Variants in ITGBL1 observed in about 807,000 individuals in gnomAD.
ITGBL1 encodes integrin beta-like protein 1.
A neutral mutation model predicts 68.5 loss-of-function variants in ITGBL1; 51 were observed. The ratio of observed to expected loss-of-function variants is 0.74; its 90% CI spans 0.59 to 0.94. The LOEUF (loss-of-function observed/expected upper bound fraction) is 0.94, where lower values mean the gene tolerates loss of function less well. Among genes scored for constraint, ITGBL1 ranks in the 40% least tolerant of loss-of-function variants. ITGBL1 has a pLI of 0.00. For synonymous variants in ITGBL1, 209 were observed against 227.3 expected (o/e 0.92, Z 0.72); for missense variants, 649 against 647.4 (o/e 1.00, Z -0.03).
At chr13:101,566,159 A>G (rs1594893997) in intron 2 of ITGBL1, among the ~76,000 whole-genome samples, 1 of 152,186 alleles carries the variant, frequency 6.6e-6, no homozygotes, top group Non-Finnish European at 1.5e-5. Flanking sequence ...GTGTGGAACC[A>G]TAAGAAACAG....
intron 2 of ITGBL1, among the ~76,000 whole-genome samples, chr13:101,471,528 ATGTATGTG>A (rs2048458293): frequency 8.5e-6 from 1 of 117,124 alleles, no homozygotes; most frequent in African/African-American, 3.5e-5. Flanking sequence ...GTGTGTGTGT[ATGTATGTG>A]TGTGTGTGTG....
In ITGBL1 at chr13:101,488,344, G is replaced by A. The variant is rs76052310; in HGVS notation, c.316+34244G>A. Among the ~76,000 whole-genome samples the A allele has an allele frequency of 3.5e-3, 528 of 152,310 alleles. 1 individual carries two copies. The highest frequency in any genetic ancestry group is 0.012 in the African/African-American group (484 of 41,586). On this transcript the variant is annotated intron_variant, in intron 2 of 10. Coordinates refer to ENST00000376180, the MANE Select transcript of ITGBL1 (RefSeq NM_004791.3). ...ATACATTTAACTGACTCTCTATAAT[G>A]GCAGAGAAGACTGCATGGCACTTCC...
intron 3 of ITGBL1, among the ~76,000 whole-genome samples, chr13:101,569,539 T>C (rs536277821): frequency 6.6e-6 from 1 of 152,276 alleles, no homozygotes; most frequent in African/African-American, 2.4e-5. Context: ...CTGTATAGCG[T>C]TTTCCTCTCC....
At chr13:101,650,600 C>A (rs1258896164) in intron 7 of ITGBL1, among the ~76,000 whole-genome samples, 1 of 151,332 alleles carries the variant, frequency 6.6e-6, no homozygotes, top group Admixed American at 6.6e-5. Flanking sequence ...CATCTGCTGG[C>A]CAGGTGACTT....
intron 2 of ITGBL1, among the ~76,000 whole-genome samples, chr13:101,562,769 G>T (rs115093720): frequency 6.6e-6 from 1 of 151,880 alleles, no homozygotes; most frequent in African/African-American, 2.4e-5. Context: ...TAGAAAATTA[G>T]TGAGGATATA....
chr13:101,630,012 C>T (rs751718660), intron 7 of ITGBL1, among the ~76,000 whole-genome samples: 5 of 151,936 alleles, frequency 3.3e-5, no homozygotes, highest in Non-Finnish European at 5.9e-5. Context: ...TTAGTAGAGA[C>T]GGGGTTTCAT....
intron 2 of ITGBL1, among the ~76,000 whole-genome samples, chr13:101,517,377 A>T (rs2049211915): frequency 6.6e-6 from 1 of 152,178 alleles, no homozygotes; most frequent in African/African-American, 2.4e-5. Context: ...ATAAAATTTA[A>T]CTTAGAATAC....
At chr13:101,703,297 A>G (rs1305908535) in intron 8 of ITGBL1, among the ~76,000 whole-genome samples, 1 of 152,208 alleles carries the variant, frequency 6.6e-6, no homozygotes, top group East Asian at 1.9e-4. Context: ...AATTACTCAG[A>G]ACCTGAATGT....
At chr13:101,474,970 A>G (rs766531561) in intron 2 of ITGBL1, among the ~76,000 whole-genome samples, 5 of 152,288 alleles carry the variant, frequency 3.3e-5, no homozygotes, top group Middle Eastern at 3.4e-3. Context: ...AGAAGGACAG[A>G]TACAAATAAG....
At chr13:101,632,422 C>G (rs904290635) in intron 7 of ITGBL1, among the ~76,000 whole-genome samples, 13 of 152,188 alleles carry the variant, frequency 8.5e-5, no homozygotes, top group Admixed American at 6.5e-4. Flanking sequence ...GTTGGTTAGG[C>G]TGTAAAGCCC....
rs772454191 is a variant in ITGBL1 at position 101,567,895 on chromosome 13, T to C, written c.463+50T>C. The C allele has an allele frequency of 2.7e-6, 4 of 1,501,796 alleles. No individual in the cohort carries two copies. The South Asian group carries it at 4.7e-5, about 18-fold the overall frequency. The allele number at this position is 1,501,796 out of a possible 1,614,324, so 93.0% of individuals were successfully genotyped here. A position where few individuals can be genotyped will look rare whatever the true frequency, so the allele number is the denominator to read the frequency against. ...TGTTAAGTGGAATAATCAAATTTTG[T>C]TTTTAATGGAAATATGTGGGCGTGG... On this transcript the variant is annotated intron_variant, in intron 3 of 10. Transcript: ENST00000376180.
chr13:101,475,436 A>G lies in ITGBL1; in HGVS notation c.316+21336A>G, dbSNP rs138955035. 6.6e-5 allele frequency among the ~76,000 whole-genome samples: 10 copies of G among 152,284 alleles called. No homozygotes were observed. The East Asian group carries it at 1.9e-3, about 29-fold the overall frequency. On this transcript the variant is annotated intron_variant, in intron 2 of 10. Transcript: ENST00000376180. ...AGTTTGCTTACAAGACCCAGAAAAT[A>G]GCCTCAAAAGGGTAAATCTAAGAGC...
At chr13:101,649,972 T>C (rs1436018826) in intron 7 of ITGBL1, among the ~76,000 whole-genome samples, 2 of 152,124 alleles carry the variant, frequency 1.3e-5, no homozygotes, top group Non-Finnish European at 2.9e-5. Context: ...TTATAACATG[T>C]AGGATTATTT....
chr13:101,551,346 G>T (rs1048831680), intron 2 of ITGBL1, among the ~76,000 whole-genome samples: 1 of 152,152 alleles, frequency 6.6e-6, no homozygotes, highest in African/African-American at 2.4e-5. Flanking sequence ...GGAGACACTT[G>T]CTCAGTTGTA....
intron 7 of ITGBL1, among the ~76,000 whole-genome samples, chr13:101,624,802 A>G (rs530580313): frequency 4.6e-5 from 7 of 152,312 alleles, no homozygotes; most frequent in Admixed American, 1.3e-4. Context: ...GGGGGCTGCA[A>G]TGTTCCAAAC....
intron 7 of ITGBL1, among the ~76,000 whole-genome samples, chr13:101,605,550 A>C (rs1366502637): frequency 6.6e-6 from 1 of 150,790 alleles, no homozygotes; most frequent in South Asian, 2.1e-4. Flanking sequence ...ATATACACGT[A>C]TTTAGACATA....
chr13:101,496,917 T>A (rs2048865220), intron 2 of ITGBL1, among the ~76,000 whole-genome samples: 1 of 152,166 alleles, frequency 6.6e-6, no homozygotes, highest in African/African-American at 2.4e-5. Flanking sequence ...GTAAACAGGA[T>A]CTGTTTCACA....
intron 2 of ITGBL1, among the ~76,000 whole-genome samples, chr13:101,465,253 AT>A (rs1374091326): frequency 6.6e-6 from 1 of 152,200 alleles, no homozygotes; most frequent in Non-Finnish European, 1.5e-5. Context: ...TGCTATATAC[AT>A]TTTTGTGGAG....
At chr13:101,485,447 TC>T (rs2048687486) in intron 2 of ITGBL1, among the ~76,000 whole-genome samples, 2 of 151,992 alleles carry the variant, frequency 1.3e-5, no homozygotes, top group Non-Finnish European at 2.9e-5. Flanking sequence ...ATGCTCAAAA[TC>T]ACGAATCATC....
Sources: gnomAD v4.1 joint callset for allele counts (sites outside exome capture counted in the v4.1 genomes callset) on GRCh38, gnomAD v4.1.1 for gene constraint, MANE v1.5 for transcripts, NCBI Gene and HGNC (gene_info 2026-07-23, HGNC 2026-07-21) for gene names.